Variants in GLIS3 observed in about 807,000 individuals in gnomAD.
GLIS3 encodes the protein zinc finger protein GLIS3.
In GLIS3, 53 loss-of-function variants were observed where a neutral mutation model predicts 78.6. The observed-to-expected ratio is 0.67, with a 90% CI of 0.54 to 0.85. GLIS3 has a LOEUF of 0.85. GLIS3 is among the 40% of genes least tolerant of loss of function. GLIS3 has a pLI of 0.00. For synonymous variants in GLIS3, 684 were observed against 509.9 expected (o/e 1.34, Z -4.60); for missense variants, 1,703 against 1,231.1 (o/e 1.38, Z -5.74).
intron 4 of GLIS3, among the ~76,000 whole-genome samples, chr9:3,952,715 T>G (rs1013866052): frequency 2.0e-5 from 3 of 152,176 alleles, no homozygotes; most frequent in African/African-American, 7.2e-5. Flanking sequence ...ACATAATATC[T>G]GAAACAAGAA....
chr9:4,264,975 G>C (rs1209116294), intron 2 of GLIS3, among the ~76,000 whole-genome samples: 1 of 151,456 alleles, frequency 6.6e-6, no homozygotes, highest in Non-Finnish European at 1.5e-5. Flanking sequence ...GACCATCCTG[G>C]CTAACATGGT....
At chr9:4,249,832 G>GC in intron 2 of GLIS3, among the ~76,000 whole-genome samples, 1 of 152,118 alleles carries the variant, frequency 6.6e-6, no homozygotes, top group East Asian at 1.9e-4. Context: ...GCATGAAGCT[G>GC]TGTTGAATTT....
chr9:4,466,444 G>A, the GLIS3 span, among the ~76,000 whole-genome samples: 5 of 152,102 alleles, frequency 3.3e-5, no homozygotes, highest in South Asian at 2.1e-4. Flanking sequence ...ATTTTATGAG[G>A]CCAGTATTAC....
intron 3 of GLIS3, among the ~76,000 whole-genome samples, chr9:4,309,412 G>A (rs543379788): frequency 9.9e-5 from 15 of 152,130 alleles, no homozygotes; most frequent in African/African-American, 3.4e-4. Flanking sequence ...TGGTTGGGGC[G>A]GGGGGAGCAC....
At chr9:4,168,809 C>T (rs1816110253) in intron 2 of GLIS3, among the ~76,000 whole-genome samples, 1 of 152,130 alleles carries the variant, frequency 6.6e-6, no homozygotes, top group African/African-American at 2.4e-5. Context: ...GTAAATTAAA[C>T]AACAGACTCC....
At chr9:4,026,749 A>C (rs902867729) in intron 4 of GLIS3, among the ~76,000 whole-genome samples, 6 of 152,228 alleles carry the variant, frequency 3.9e-5, no homozygotes, top group Admixed American at 3.9e-4. Context: ...ACTTCTACCA[A>C]TATCATTTTA....
chr9:3,973,977 T>A (rs1290651621), intron 4 of GLIS3, among the ~76,000 whole-genome samples: 2 of 152,140 alleles, frequency 1.3e-5, no homozygotes, highest in African/African-American at 4.8e-5. Flanking sequence ...AAAATTCTTA[T>A]AAAAAAATCA....
rs193097877 is a variant in GLIS3 at position 3,903,704 on chromosome 9, G to A, written c.1984-4869C>T. ...AGAAGTTTACATTCTAGAGAAGTCA[G>A]ATAATAAACAGTAAACTAACTAAAT... is the stretch of plus-strand genomic sequence containing the variant. On this transcript the variant is annotated intron_variant, in intron 6 of 10. Coordinates refer to ENST00000381971, the MANE Select transcript of GLIS3 (RefSeq NM_001042413.2). 3.3e-5 allele frequency among the ~76,000 whole-genome samples: 5 copies of A among 152,276 alleles called. No homozygotes were observed. In the East Asian group the frequency reaches 9.6e-4, roughly 29 times the overall value.
intron 2 of GLIS3, among the ~76,000 whole-genome samples, chr9:4,264,754 G>C (rs192743860): frequency 2.6e-4 from 39 of 152,124 alleles, no homozygotes; most frequent in Admixed American, 8.5e-4. Context: ...TAACCCCCAA[G>C]AAATTACATC....
At chr9:4,395,994 G>C in the GLIS3 span, among the ~76,000 whole-genome samples, 1 of 151,572 alleles carries the variant, frequency 6.6e-6, no homozygotes, top group African/African-American at 2.4e-5. Context: ...GGATGGTGTC[G>C]ATCTCCTGAC....
chr9:4,012,022 A>C (rs961973526), intron 4 of GLIS3, among the ~76,000 whole-genome samples: 1 of 152,178 alleles, frequency 6.6e-6, no homozygotes, highest in Non-Finnish European at 1.5e-5. Context: ...TTCCGTTTGC[A>C]GAAAGCCTTC....
chr9:3,907,240 C>G (rs1823772871), intron 6 of GLIS3, among the ~76,000 whole-genome samples: 1 of 152,180 alleles, frequency 6.6e-6, no homozygotes, highest in African/African-American at 2.4e-5. Context: ...CTGACTGCCT[C>G]TTAATCTTTT....
At chr9:4,234,609 G>A (rs1252771514) in intron 2 of GLIS3, among the ~76,000 whole-genome samples, 2 of 152,096 alleles carry the variant, frequency 1.3e-5, no homozygotes, top group Non-Finnish European at 2.9e-5. Context: ...AATATTACTA[G>A]AATTATCAAA....
chr9:3,831,443 T>G (rs1818039209), intron 9 of GLIS3, among the ~76,000 whole-genome samples: 1 of 152,198 alleles, frequency 6.6e-6, no homozygotes, highest in African/African-American at 2.4e-5. Flanking sequence ...ACCTATCACA[T>G]TGGCAAAGAT....
chr9:4,079,925 G>A (rs1169005437), intron 4 of GLIS3, among the ~76,000 whole-genome samples: 1 of 151,982 alleles, frequency 6.6e-6, no homozygotes, highest in Admixed American at 6.6e-5. Flanking sequence ...TAAGAAAAAG[G>A]TAGTTATTTA....
At chr9:4,235,056 T>A (rs1822588643) in intron 2 of GLIS3, among the ~76,000 whole-genome samples, 1 of 152,068 alleles carries the variant, frequency 6.6e-6, no homozygotes, top group South Asian at 2.1e-4. Context: ...CCCCACACTT[T>A]GGGAGGCCGA....
At chr9:4,085,453 C>T (rs573609780) in intron 4 of GLIS3, among the ~76,000 whole-genome samples, 67 of 152,304 alleles carry the variant, frequency 4.4e-4, no homozygotes, top group African/African-American at 1.4e-3. Context: ...TTGATGGCCA[C>T]TGCCACCCTC....
chr9:4,415,629 T>A, the GLIS3 span, among the ~76,000 whole-genome samples: 9 of 152,230 alleles, frequency 5.9e-5, no homozygotes, highest in African/African-American at 2.2e-4. Context: ...TATTTTGTAA[T>A]CTTTCTGCTA....
intron 2 of GLIS3, among the ~76,000 whole-genome samples, chr9:4,138,175 AATT>A (rs921608459): frequency 6.6e-6 from 1 of 152,220 alleles, no homozygotes; most frequent in African/African-American, 2.4e-5. Flanking sequence ...ATAAAAGTGG[AATT>A]ATTATACTTA....
Sources: allele counts gnomAD v4.1 joint callset (sites outside exome capture counted in the v4.1 genomes callset), GRCh38; gene constraint gnomAD v4.1.1; transcripts MANE v1.5; gene names NCBI Gene and HGNC (gene_info 2026-07-23, HGNC 2026-07-21).